The following PIGL variants were observed in gnomAD, a reference collection of about 807,000 sequenced individuals.
The protein encoded by PIGL is phosphatidylinositol glycan anchor biosynthesis class L.
In PIGL, 22 loss-of-function variants were observed where a neutral mutation model predicts 31.1. That is an observed-to-expected ratio of 0.71 (90% confidence interval 0.51 to 1.01). The LOEUF (loss-of-function observed/expected upper bound fraction) is 1.01. PIGL is among the 50% of genes least tolerant of loss of function. The pLI, the probability that PIGL is intolerant of heterozygous loss-of-function variation, is 0.00. For missense variants in PIGL, 302 were observed against 315.9 expected, an observed-to-expected ratio of 0.96 and a Z score of 0.33; for synonymous variants, 131 against 117.4, an observed-to-expected ratio of 1.12 and a Z score of -0.75.
At chr17:16,293,251 G>A (rs540029723) in intron 2 of PIGL, among the ~76,000 whole-genome samples, 6 of 152,316 alleles carry the variant, frequency 3.9e-5, no homozygotes, top group South Asian at 2.1e-4. Flanking sequence ...TCGGCCTGGC[G>A]CAGTGGCTCA....
chr17:16,239,251 AG>A (rs1358211393), intron 2 of PIGL, among the ~76,000 whole-genome samples: 1 of 150,672 alleles, frequency 6.6e-6, no homozygotes, highest in Non-Finnish European at 1.5e-5. Flanking sequence ...TGGGAGGCCG[AG>A]GCAGGCGGAT....
At chr17:16,283,496 A>G (rs1431896763) in intron 2 of PIGL, among the ~76,000 whole-genome samples, 1 of 152,080 alleles carries the variant, frequency 6.6e-6, no homozygotes, top group Non-Finnish European at 1.5e-5. Flanking sequence ...CTGAGGAGCC[A>G]TGCTCATTCA....
chr17:16,237,953 T>C (rs2092706410), intron 2 of PIGL, among the ~76,000 whole-genome samples: 1 of 151,928 alleles, frequency 6.6e-6, no homozygotes. Flanking sequence ...ATCCCAGCAC[T>C]TGGGGAGGCC....
chr17:16,229,750 A>G (rs1366316406), intron 1 of PIGL, among the ~76,000 whole-genome samples: 2 of 151,714 alleles, frequency 1.3e-5, no homozygotes, highest in Non-Finnish European at 2.9e-5. Flanking sequence ...GATGATGAGC[A>G]TCTTGCATCT....
At chr17:16,268,303 G>A (rs1431629153) in intron 2 of PIGL, among the ~76,000 whole-genome samples, 1 of 152,152 alleles carries the variant, frequency 6.6e-6, no homozygotes, top group Non-Finnish European at 1.5e-5. Context: ...CAAACATAGT[G>A]CAAGACAGTG....
chr17:16,315,777 G>A (rs1435430878), intron 4 of PIGL, among the ~76,000 whole-genome samples: 4 of 132,782 alleles, frequency 3.0e-5, no homozygotes, highest in Non-Finnish European at 6.2e-5. Context: ...GTGCAGTGGC[G>A]TGATCTCAGC....
chr17:16,265,713 CATGGGCA>C (rs1464382286), intron 2 of PIGL, among the ~76,000 whole-genome samples: 1 of 151,456 alleles, frequency 6.6e-6, no homozygotes, highest in Admixed American at 6.6e-5. Context: ...GCACTCGTAG[CATGGGCA>C]ACAGAGCGAG....
intron 2 of PIGL, among the ~76,000 whole-genome samples, chr17:16,259,069 T>C (rs1443189929): frequency 6.6e-6 from 1 of 152,196 alleles, no homozygotes; most frequent in African/African-American, 2.4e-5. Context: ...AAGTTGCAGC[T>C]GTTTGTGTGT....
chr17:16,244,766 C>T (rs1034908006), intron 2 of PIGL, among the ~76,000 whole-genome samples: 2 of 152,148 alleles, frequency 1.3e-5, no homozygotes, highest in African/African-American at 4.8e-5. Flanking sequence ...CCTCCACCTC[C>T]CGGGCTCAAG....
At chr17:16,230,655 G>T (rs562195230) in intron 1 of PIGL, among the ~76,000 whole-genome samples, 42 of 148,600 alleles carry the variant, frequency 2.8e-4, no homozygotes, top group African/African-American at 9.2e-4. Context: ...GTCTCACTCT[G>T]TTACCAGGCT....
intron 5 of PIGL, chr17:16,317,162 G>A (rs939075763): frequency 9.8e-7 from 1 of 1,015,914 alleles, no homozygotes; most frequent in Non-Finnish European, 1.2e-6. Flanking sequence ...AGCCTCTCTG[G>A]ACCAGTTTCT....
chr17:16,311,704 A>T (rs1383309688), intron 3 of PIGL, among the ~76,000 whole-genome samples: 1 of 150,490 alleles, frequency 6.6e-6, no homozygotes, highest in African/African-American at 2.4e-5. Flanking sequence ...AACAAAGCAC[A>T]TCTTGCACCG....
At chr17:16,232,092 A>G (rs1289529512) in intron 1 of PIGL, among the ~76,000 whole-genome samples, 2 of 152,160 alleles carry the variant, frequency 1.3e-5, no homozygotes, top group African/African-American at 4.8e-5. Flanking sequence ...AGCCTGGCCA[A>G]CATAATGAAA....
chr17:16,240,615 C>T lies in PIGL; in HGVS notation c.335+6545C>T, dbSNP rs118159901. On this transcript the variant is annotated intron_variant, in intron 2 of 6. Coordinates refer to ENST00000225609, the MANE Select transcript of PIGL (RefSeq NM_004278.4). ...TCCCGGGTGCAAGGGATCCTTCCAC[C>T]TCAGCCTCCCGAGTAACTGGGACCA... is the stretch of plus-strand genomic sequence containing the variant. Among the ~76,000 whole-genome samples, 1,454 of 152,144 alleles carry T rather than the reference C, an allele frequency of 9.6e-3. 22 individuals are homozygous for T. Among genetic ancestry groups the T allele is most frequent in the East Asian group, 0.049 (253 of 5,144 alleles).
rs1273020118 is a variant in PIGL, at chr17:16,245,284, C to T, written c.335+11214C>T. On this transcript the variant is annotated intron_variant, in intron 2 of 6. Coordinates refer to ENST00000225609, the MANE Select transcript of PIGL (RefSeq NM_004278.4). Reference sequence around the variant, plus strand: ...GGGATTACAGGCGCCTGCCACTATGCCCAGCTAAATTTTTGTATTTTTAGT... The same window carrying T: ...GGGATTACAGGCGCCTGCCACTATGTCCAGCTAAATTTTTGTATTTTTAGT... Among the ~76,000 whole-genome samples the T allele has an allele frequency of 3.3e-5, 5 of 152,000 alleles. No homozygotes were observed. The East Asian group carries it at 9.7e-4, about 30-fold the overall frequency.
At chr17:16,268,670 G>A (rs951535031) in intron 2 of PIGL, among the ~76,000 whole-genome samples, 7 of 151,710 alleles carry the variant, frequency 4.6e-5, no homozygotes, top group Admixed American at 2.0e-4. Context: ...GGCTGGTCTC[G>A]AACTCCTGAC....
At chr17:16,234,149 A>C (rs1191307717) in intron 2 of PIGL, 79 bp downstream of exon 2, 1 of 798,368 alleles carries the variant, frequency 1.3e-6, no homozygotes, top group African/African-American at 1.7e-5. Flanking sequence ...ACAAAAAACT[A>C]ATGTGAGTGG....
intron 2 of PIGL, among the ~76,000 whole-genome samples, chr17:16,238,789 A>G (rs186909486): frequency 3.1e-4 from 47 of 150,314 alleles, no homozygotes; most frequent in Non-Finnish European, 1.3e-4. Context: ...CGTGCCTGTA[A>G]TCCCAGCTAC....
chr17:16,242,900 G>A (rs780692287), intron 2 of PIGL, among the ~76,000 whole-genome samples: 9 of 151,670 alleles, frequency 5.9e-5, no homozygotes, highest in African/African-American at 9.7e-5. Context: ...GAGCCACTGC[G>A]CTCAGCCCTG....
Sources: allele counts gnomAD v4.1 joint callset (sites outside exome capture counted in the v4.1 genomes callset), GRCh38; gene constraint gnomAD v4.1.1; transcripts MANE v1.5; gene names NCBI Gene and HGNC (gene_info 2026-07-23, HGNC 2026-07-21).